Variants in GMDS observed in about 807,000 individuals in gnomAD.
GMDS encodes the protein GDP-mannose 4,6-dehydratase, also known as GDP-mannose 4,6 dehydratase.
Under a neutral mutation model 49.9 loss-of-function variants are expected in GMDS, and 20 were observed. That is an observed-to-expected ratio of 0.40 (90% CI 0.28 to 0.58). The LOEUF (loss-of-function observed/expected upper bound fraction) is 0.58. Among genes scored for constraint, GMDS ranks in the 20% least tolerant of loss-of-function variants. GMDS has a pLI of 0.42. For synonymous variants in GMDS, 177 were observed against 178.6 expected, an observed-to-expected ratio of 0.99 and a Z score of 0.07; for missense variants, 362 against 481.4, an observed-to-expected ratio of 0.75 and a Z score of 2.32.
At chr6:2,154,844 G>A (rs1322038833) in intron 1 of GMDS, among the ~76,000 whole-genome samples, 1 of 84,432 alleles carries the variant, frequency 1.2e-5, no homozygotes, top group Non-Finnish European at 2.1e-5. Context: ...TTCAACAAAA[G>A]CCTCTTATTG....
intron 2 of GMDS, among the ~76,000 whole-genome samples, chr6:2,121,756 G>C (rs1055752364): frequency 6.6e-6 from 1 of 152,124 alleles, no homozygotes; most frequent in Admixed American, 6.5e-5. Context: ...AAAAGTAAAG[G>C]AGTGCGTCTA....
At position 1,900,890 on chromosome 6, in the gene GMDS, T is replaced by C. The variant is rs527861670; in HGVS notation, c.771+29213A>G. ...CTGCAAAAAAGCACTCTCGATGATA[T>C]CACTCACAGTGTTTCAGACGACTCA... On this transcript the variant is annotated intron_variant, in intron 7 of 10. Coordinates refer to ENST00000380815, the MANE Select transcript of GMDS (RefSeq NM_001500.4). Among the ~76,000 whole-genome samples the C allele has an allele frequency of 3.3e-5, 5 of 152,352 alleles. No individual in the cohort carries two copies. The South Asian group carries it at 1.0e-3, about 32-fold the overall frequency.
intron 7 of GMDS, among the ~76,000 whole-genome samples, chr6:1,914,157 T>A (rs1359216251): frequency 1.2e-4 from 17 of 144,432 alleles, no homozygotes; most frequent in Admixed American, 6.9e-4. Context: ...TTTTTTTTTT[T>A]AATTAAGAGA....
At chr6:1,958,376 G>A (rs182340974) in intron 6 of GMDS, among the ~76,000 whole-genome samples, 3 of 152,012 alleles carry the variant, frequency 2.0e-5, no homozygotes, top group Admixed American at 2.0e-4. Flanking sequence ...GTGAGAAAGA[G>A]GCAGGGATTA....
chr6:1,754,778 CA>C (rs916105108), intron 7 of GMDS, among the ~76,000 whole-genome samples: 1 of 152,146 alleles, frequency 6.6e-6, no homozygotes, highest in African/African-American at 2.4e-5. Context: ...TGACAAAACC[CA>C]CATGATTATC....
intron 7 of GMDS, among the ~76,000 whole-genome samples, chr6:1,837,973 A>G (rs1225648891): frequency 7.2e-5 from 11 of 152,178 alleles, no homozygotes; most frequent in Admixed American, 7.2e-4. Flanking sequence ...GACAAATAAA[A>G]GCATTGCTAT....
intron 4 of GMDS, among the ~76,000 whole-genome samples, chr6:2,089,810 T>C (rs1773216894): frequency 6.6e-6 from 1 of 152,234 alleles, no homozygotes; most frequent in South Asian, 2.1e-4. Context: ...ACAGTATGCT[T>C]GAGGGTCTAC....
At chr6:1,749,975 G>T (rs1046506410) in intron 7 of GMDS, among the ~76,000 whole-genome samples, 1 of 152,216 alleles carries the variant, frequency 6.6e-6, no homozygotes, top group East Asian at 1.9e-4. Flanking sequence ...GGGACTACAG[G>T]CATGCATCAC....
At chr6:2,163,179 T>C (rs1777491306) in intron 1 of GMDS, among the ~76,000 whole-genome samples, 1 of 152,094 alleles carries the variant, frequency 6.6e-6, no homozygotes, top group Non-Finnish European at 1.5e-5. Flanking sequence ...TAATAAACTG[T>C]CCTAACAGTG....
At chr6:2,153,560 T>C (rs1193492820) in intron 1 of GMDS, among the ~76,000 whole-genome samples, 1 of 152,158 alleles carries the variant, frequency 6.6e-6, no homozygotes, top group Non-Finnish European at 1.5e-5. Flanking sequence ...TGAGTTCATA[T>C]ATAAATGAAC....
chr6:1,943,886 C>T (rs1054363087), intron 6 of GMDS, among the ~76,000 whole-genome samples: 1 of 152,130 alleles, frequency 6.6e-6, no homozygotes, highest in Non-Finnish European at 1.5e-5. Flanking sequence ...TCTGTTGTGA[C>T]AGAGAGAGTA....
chr6:1,860,407 G>A (rs1218690598), intron 7 of GMDS, among the ~76,000 whole-genome samples: 2 of 152,108 alleles, frequency 1.3e-5, no homozygotes, highest in Non-Finnish European at 2.9e-5. Context: ...ATGATATCCT[G>A]GAAAAGGAAA....
chr6:1,812,996 G>C (rs1322383024), intron 7 of GMDS, among the ~76,000 whole-genome samples: 1 of 152,080 alleles, frequency 6.6e-6, no homozygotes, highest in African/African-American at 2.4e-5. Context: ...ACCAAGGCAG[G>C]AGGACTGCTT....
intron 4 of GMDS, among the ~76,000 whole-genome samples, chr6:2,020,723 G>T: frequency 6.6e-6 from 1 of 152,108 alleles, no homozygotes; most frequent in East Asian, 1.9e-4. Flanking sequence ...AGTGAAGACA[G>T]TGATTCTGTT....
At chr6:1,862,391 G>T (rs1460598684) in intron 7 of GMDS, among the ~76,000 whole-genome samples, 1 of 152,006 alleles carries the variant, frequency 6.6e-6, no homozygotes, top group African/African-American at 2.4e-5. Flanking sequence ...GCACAGCTTC[G>T]AATCCGGGGG....
intron 4 of GMDS, among the ~76,000 whole-genome samples, chr6:2,102,225 T>G (rs1464274541): frequency 2.0e-5 from 3 of 151,988 alleles, no homozygotes; most frequent in Non-Finnish European, 4.4e-5. Context: ...AAAAAGGGCA[T>G]CAAAAACTAT....
intron 6 of GMDS, among the ~76,000 whole-genome samples, chr6:1,948,093 C>T (rs941237779): frequency 6.6e-6 from 1 of 152,132 alleles, no homozygotes; most frequent in Admixed American, 6.5e-5. Context: ...TAAGTGAACA[C>T]TATGATTACC....
At chr6:2,127,915 C>T (rs1474950758) in intron 1 of GMDS, among the ~76,000 whole-genome samples, 1 of 152,242 alleles carries the variant, frequency 6.6e-6, no homozygotes. Flanking sequence ...AGTTCTGACG[C>T]TTGACTCCTC....
chr6:2,040,640 G>A (rs1484977681), intron 4 of GMDS, among the ~76,000 whole-genome samples: 3 of 152,138 alleles, frequency 2.0e-5, no homozygotes, highest in African/African-American at 7.2e-5. Flanking sequence ...AGAGGCAATA[G>A]GAGATGATGA....
Sources: gnomAD v4.1 joint callset for allele counts (sites outside exome capture counted in the v4.1 genomes callset) on GRCh38, gnomAD v4.1.1 for gene constraint, MANE v1.5 for transcripts, NCBI Gene and HGNC (gene_info 2026-07-23, HGNC 2026-07-21) for gene names.